Variants in WDR7 observed in about 807,000 individuals in gnomAD.
WDR7 encodes WD repeat-containing protein 7.
A neutral mutation model predicts 169.4 loss-of-function variants in WDR7; 46 were observed. That is an observed-to-expected ratio of 0.27 (90% CI 0.21 to 0.35). The LOEUF is 0.35. Among genes scored for constraint, WDR7 ranks in the 10% least tolerant of loss-of-function variants. The probability of loss-of-function intolerance (pLI) is 1.00; values close to 1 mark genes in which losing one functional copy is unlikely to be tolerated. For missense variants in WDR7, 1,534 were observed against 1,859.3 expected (o/e 0.83, Z 3.22); for synonymous variants, 612 against 666.8 (o/e 0.92, Z 1.27).
chr18:56,660,530 C>T (rs2024882212), intron 1 of WDR7, among the ~76,000 whole-genome samples: 1 of 151,810 alleles, frequency 6.6e-6, no homozygotes, highest in African/African-American at 2.4e-5. Context: ...CCAAGTGTTT[C>T]AGATAAAGGA....
chr18:56,880,480 T>C (rs2046091791), intron 21 of WDR7, among the ~76,000 whole-genome samples: 1 of 152,246 alleles, frequency 6.6e-6, no homozygotes, highest in African/African-American at 2.4e-5. Context: ...TAAAATAATT[T>C]CTGGAAAACT....
At chr18:56,676,496 A>G (rs1038681337) in intron 2 of WDR7, among the ~76,000 whole-genome samples, 1 of 151,920 alleles carries the variant, frequency 6.6e-6, no homozygotes, top group Non-Finnish European at 1.5e-5. Flanking sequence ...ATGGTGATTT[A>G]CTCAGGTGAT....
At chr18:56,857,502 C>G (rs192426558) in intron 20 of WDR7, among the ~76,000 whole-genome samples, 1 of 152,290 alleles carries the variant, frequency 6.6e-6, no homozygotes, top group African/African-American at 2.4e-5. Context: ...AGCAATCTGC[C>G]TACCTCGGCC....
chr18:56,837,193 G>A (rs1326860257), intron 20 of WDR7, among the ~76,000 whole-genome samples: 2 of 152,172 alleles, frequency 1.3e-5, no homozygotes, highest in Admixed American at 6.5e-5. Flanking sequence ...GAGAAAGGAT[G>A]AACACACAAA....
intron 21 of WDR7, among the ~76,000 whole-genome samples, 156 bp from the exon 22 acceptor site, chr18:56,923,766 C>A (rs939303045): frequency 2.3e-4 from 35 of 152,182 alleles, no homozygotes; most frequent in African/African-American, 8.0e-4. Flanking sequence ...TGTGGCTGAG[C>A]AAACCATTTA....
intron 20 of WDR7, among the ~76,000 whole-genome samples, chr18:56,877,384 C>T (rs979513165): frequency 3.3e-5 from 5 of 152,054 alleles, no homozygotes; most frequent in East Asian, 1.9e-4. Context: ...GGGAGTGTCT[C>T]GAAATGCAGA....
intron 4 of WDR7, among the ~76,000 whole-genome samples, chr18:56,682,395 TAA>T (rs2025366528): frequency 6.6e-6 from 1 of 152,158 alleles, no homozygotes; most frequent in Non-Finnish European, 1.5e-5. Flanking sequence ...TAGAGGGGGA[TAA>T]AAACAATTAT....
chr18:56,682,856 C>T lies in WDR7; in HGVS notation c.520+3C>T, dbSNP rs944877193. Reference sequence around the variant, plus strand: ...TATTCGATCCCACCGAACACAAGGTCAGTGTATTATGCCTGTTAGGAGCTT... The same window carrying T: ...TATTCGATCCCACCGAACACAAGGTTAGTGTATTATGCCTGTTAGGAGCTT... On this transcript the variant is annotated splice_donor_region_variant and intron_variant, in intron 5 of 27. Coordinates refer to ENST00000254442, the MANE Select transcript of WDR7 (RefSeq NM_015285.3). The T allele has an allele frequency of 3.1e-6, 5 of 1,612,990 alleles. No homozygotes were observed. The African/African-American group carries it at 6.7e-5, about 22-fold the overall frequency.
intron 25 of WDR7, among the ~76,000 whole-genome samples, chr18:56,942,302 GC>G (rs2047045162): frequency 6.6e-6 from 1 of 152,024 alleles, no homozygotes; most frequent in Non-Finnish European, 1.5e-5. Context: ...GGGAATTTTA[GC>G]ATTATAATGA....
chr18:56,968,148 G>C (rs2047437659), intron 26 of WDR7, among the ~76,000 whole-genome samples: 1 of 151,326 alleles, frequency 6.6e-6, no homozygotes, highest in South Asian at 2.1e-4. Flanking sequence ...GAGAAAGAAA[G>C]TGTAGCTAAA....
At chr18:56,652,599 A>G (rs1271467287) in intron 1 of WDR7, among the ~76,000 whole-genome samples, 1 of 152,246 alleles carries the variant, frequency 6.6e-6, no homozygotes, top group African/African-American at 2.4e-5. Context: ...AAAACTGTCT[A>G]GTTCCATCCA....
At chr18:56,933,278 CA>C (rs1218823846) in intron 22 of WDR7, among the ~76,000 whole-genome samples, 1 of 152,160 alleles carries the variant, frequency 6.6e-6, no homozygotes, top group African/African-American at 2.4e-5. Context: ...CACTACCACA[CA>C]TATTTATGTT....
chr18:56,824,721 G>A (rs776471725), intron 20 of WDR7, among the ~76,000 whole-genome samples: 12 of 152,132 alleles, frequency 7.9e-5, no homozygotes, highest in Non-Finnish European at 1.5e-4. Flanking sequence ...AAATGAGACT[G>A]GGAACACATC....
At chr18:57,000,171 C>T (rs2047955585) in intron 26 of WDR7, among the ~76,000 whole-genome samples, 1 of 152,120 alleles carries the variant, frequency 6.6e-6, no homozygotes, top group African/African-American at 2.4e-5. Context: ...TATAATCCTT[C>T]CCTTTATGAA....
intron 26 of WDR7, among the ~76,000 whole-genome samples, chr18:57,014,332 C>CA (rs35192329): frequency 0.19 from 25,960 of 133,152 alleles, 2,827 homozygotes; most frequent in Middle Eastern, 0.35. Context: ...GACTCCATCT[C>CA]AAAAAAAAAA....
intron 20 of WDR7, 128 bp downstream of exon 20, chr18:56,816,272 A>C: frequency 1.4e-6 from 1 of 740,612 alleles, no homozygotes; most frequent in Non-Finnish European, 2.1e-6. Context: ...TGGTGTATTT[A>C]GTTTTATGAA....
At chr18:56,999,923 T>A (rs2047951561) in intron 26 of WDR7, among the ~76,000 whole-genome samples, 1 of 152,130 alleles carries the variant, frequency 6.6e-6, no homozygotes, top group Admixed American at 6.5e-5. Context: ...CGCTATGAGC[T>A]TCTCCTGTCA....
chr18:56,921,149 C>T (rs1389078559), intron 21 of WDR7, among the ~76,000 whole-genome samples: 1 of 152,192 alleles, frequency 6.6e-6, no homozygotes, highest in Non-Finnish European at 1.5e-5. Flanking sequence ...ATCAACAAGG[C>T]TAGAAATCAA....
In WDR7 at chr18:57,027,323, C is replaced by A; in HGVS notation, c.*116C>A. 1 of 1,274,720 alleles carries A rather than the reference C, an allele frequency of 7.8e-7. No homozygotes were observed. Among genetic ancestry groups the A allele is most frequent in the East Asian group, 2.5e-5 (1 of 39,394 alleles). The allele number at this position is 1,274,720 out of a possible 1,614,324, so 79.0% of individuals were successfully genotyped here. A position where few individuals can be genotyped will look rare whatever the true frequency, so the allele number is the denominator to read the frequency against. On this transcript the variant is annotated 3_prime_UTR_variant, in exon 28 of 28. Coordinates refer to ENST00000254442, the MANE Select transcript of WDR7 (RefSeq NM_015285.3). ...GGGGCCTGCCCACCCCAGTGCCATCCAGTGGCACGGCCGGGTCTTGTCACT... is the reference window on the plus strand; with the variant it reads ...GGGGCCTGCCCACCCCAGTGCCATCAAGTGGCACGGCCGGGTCTTGTCACT...
Sources: gnomAD v4.1 joint callset for allele counts (sites outside exome capture counted in the v4.1 genomes callset) on GRCh38, gnomAD v4.1.1 for gene constraint, MANE v1.5 for transcripts, NCBI Gene and HGNC (gene_info 2026-07-23, HGNC 2026-07-21) for gene names.